Variants in ANK2 observed in about 807,000 individuals in gnomAD.
ANK2 encodes the protein ankyrin 2, also known as ankyrin-2.
ANK2 carries 83 observed loss-of-function variants against 360.5 expected under a neutral mutation model. The ratio of observed to expected loss-of-function variants is 0.23; its 90% CI spans 0.19 to 0.28. The LOEUF (loss-of-function observed/expected upper bound fraction) is 0.28, where lower values mean the gene tolerates loss of function less well. ANK2 is among the 10% of genes least tolerant of loss of function. ANK2 has a pLI of 1.00. For missense variants in ANK2, 4,201 were observed against 4,795.7 expected, an observed-to-expected ratio of 0.88 and a Z score of 3.66; for synonymous variants, 1,740 against 1,759.5, an observed-to-expected ratio of 0.99 and a Z score of 0.28.
intron 40 of ANK2, among the ~76,000 whole-genome samples, chr4:113,364,537 C>T (rs1219098403): frequency 1.3e-5 from 2 of 152,224 alleles, no homozygotes; most frequent in Non-Finnish European, 2.9e-5. Context: ...AATTGCTTTA[C>T]TTAGCATTGT....
In ANK2 at chr4:112,929,857, T is replaced by G. The variant is rs1300696676; in HGVS notation, c.21+25343T>G. 2.0e-5 allele frequency among the ~76,000 whole-genome samples: 3 copies of G among 152,318 alleles called. No individual in the cohort carries two copies. The East Asian group carries it at 5.8e-4, about 29-fold the overall frequency. ...GACAGGCATGGTGACTTGTTCTGTC[T>G]TCTTCCTAGAAAGTAGTAGCCTATA... On this transcript the variant is annotated intron_variant, in intron 2 of 30. Transcript: ENST00000503271.
chr4:113,018,170 G>A (rs963804577), intron 2 of ANK2, among the ~76,000 whole-genome samples: 8 of 152,348 alleles, frequency 5.3e-5, no homozygotes, highest in Middle Eastern at 3.4e-3. Flanking sequence ...CCACTGTTCT[G>A]TAGCCGGAGG....
intron 1 of ANK2, among the ~76,000 whole-genome samples, chr4:112,830,849 A>G (rs2059555810): frequency 6.6e-6 from 1 of 152,166 alleles, no homozygotes; most frequent in South Asian, 2.1e-4. Flanking sequence ...TGGCACTCGC[A>G]GGCCAGCACG....
At chr4:112,833,607 CA>C (rs960854835) in intron 1 of ANK2, among the ~76,000 whole-genome samples, 1 of 151,992 alleles carries the variant, frequency 6.6e-6, no homozygotes, top group Admixed American at 6.5e-5. Context: ...GGGTTCACGC[CA>C]TTCTCCTTGC....
At chr4:112,950,389 A>G (rs2094865316) in intron 2 of ANK2, among the ~76,000 whole-genome samples, 1 of 152,182 alleles carries the variant, frequency 6.6e-6, no homozygotes. Context: ...TCACGCCCGT[A>G]ATCCCAGCAC....
At chr4:113,253,503 A>G (rs1045962548) in intron 10 of ANK2, among the ~76,000 whole-genome samples, 1 of 152,168 alleles carries the variant, frequency 6.6e-6, no homozygotes, top group Non-Finnish European at 1.5e-5. Flanking sequence ...AAAATTAAGC[A>G]CTGGATATAA....
chr4:112,822,396 C>T lies in ANK2; in HGVS notation c.-40+4132C>T, dbSNP rs567033398. On this transcript the variant is annotated intron_variant, in intron 1 of 30. Coordinates refer to the ANK2 transcript ENST00000503271. ...TCGTGCCACTGCACTCCAGCCTGGG[C>T]GACAGAGCGAGATTCCGTCTCAAAA... Among the ~76,000 whole-genome samples, 757 of 139,378 alleles carry T rather than the reference C, an allele frequency of 5.4e-3. 4 individuals are homozygous for T. Among genetic ancestry groups the T allele is most frequent in the African/African-American group, 0.019 (690 of 36,874 alleles). The allele number at this position is 139,378 out of a possible 152,430, so 91.4% of individuals were successfully genotyped here. A position where few individuals can be genotyped will look rare whatever the true frequency, so the allele number is the denominator to read the frequency against.
the ANK2 span, among the ~76,000 whole-genome samples, chr4:112,790,462 G>C: frequency 4.0e-5 from 6 of 151,200 alleles, no homozygotes; most frequent in African/African-American, 9.7e-5. Flanking sequence ...TTCTAGTCAG[G>C]GGCCCCATTA....
chr4:113,336,900 A>C, intron 31 of ANK2, 119 bp downstream of exon 31: 1 of 932,954 alleles, frequency 1.1e-6, no homozygotes, highest in Admixed American at 2.0e-5. Flanking sequence ...AATTCAGGGA[A>C]TACATTTTAA....
intron 1 of ANK2, among the ~76,000 whole-genome samples, chr4:112,874,957 T>A (rs776792177): frequency 6.6e-6 from 1 of 152,146 alleles, no homozygotes; most frequent in Non-Finnish European, 1.5e-5. Context: ...GTGGAAACAC[T>A]TGTTTGTTTT....
At chr4:113,048,246 GTGTATATATATATATATA>G (rs2065247339), upstream of ANK2, among the ~76,000 whole-genome samples, 1 of 54,604 alleles carries the variant, frequency 1.8e-5, no homozygotes, top group African/African-American at 7.9e-5. Context: ...ATCTACAAGT[GTGTATATATATATATATA>G]TATATATATA....
At chr4:113,108,798 C>G (rs1247275194) in intron 1 of ANK2, among the ~76,000 whole-genome samples, 1 of 151,996 alleles carries the variant, frequency 6.6e-6, no homozygotes, top group Non-Finnish European at 1.5e-5. Context: ...TTAAATATTG[C>G]CCAAAGTTTC....
chr4:112,777,833 G>C, the ANK2 span, among the ~76,000 whole-genome samples: 1 of 149,266 alleles, frequency 6.7e-6, no homozygotes, highest in South Asian at 2.1e-4. Flanking sequence ...GGCCAGGCTG[G>C]TCTTGAATTT....
At chr4:112,985,288 A>G (rs2154275393) in intron 2 of ANK2, among the ~76,000 whole-genome samples, 1 of 152,180 alleles carries the variant, frequency 6.6e-6, no homozygotes, top group Admixed American at 6.5e-5. Flanking sequence ...TTCACAGGTA[A>G]AAGATTTGCA....
the ANK2 span, among the ~76,000 whole-genome samples, chr4:112,716,867 A>G: frequency 1.3e-5 from 2 of 151,678 alleles, no homozygotes; most frequent in Admixed American, 6.6e-5. Flanking sequence ...AAACACTGCA[A>G]CCCCCCTTTC....
At chr4:113,164,442 CT>C (rs1394715229) in intron 1 of ANK2, among the ~76,000 whole-genome samples, 15 of 152,240 alleles carry the variant, frequency 9.9e-5, no homozygotes, top group South Asian at 2.1e-4. Context: ...TTGTTCAATC[CT>C]GAATAATTTA....
At chr4:113,242,260 C>G in intron 9 of ANK2, 51 bp downstream of exon 9, 1 of 1,523,968 alleles carries the variant, frequency 6.6e-7, no homozygotes, top group African/African-American at 1.4e-5. Flanking sequence ...TCTTTCAAGC[C>G]TCATAGAAGG....
the ANK2 span, among the ~76,000 whole-genome samples, chr4:112,715,119 G>A: frequency 4.6e-5 from 7 of 152,176 alleles, no homozygotes; most frequent in Non-Finnish European, 8.8e-5. Flanking sequence ...TCAGTCACAC[G>A]TCTGGTGACC....
At position 113,222,474 on chromosome 4, in the gene ANK2, G is replaced by A. The variant is rs770963890; in HGVS notation, c.385-9687G>A. Among the ~76,000 whole-genome samples, 10 of 144,054 alleles carry A rather than the reference G, an allele frequency of 6.9e-5. No homozygotes were observed. In the East Asian group the frequency reaches 1.5e-3, roughly 21 times the overall value. 94.5% of individuals were successfully genotyped at this position (144,054 alleles called of 152,430 possible). On this transcript the variant is annotated intron_variant, in intron 4 of 45. Coordinates refer to ENST00000357077, the MANE Select transcript of ANK2 (RefSeq NM_001148.6). The stretch of plus-strand genomic sequence containing the variant: ...TGCAGTGGTGCAACCTCGGCTCACC[G>A]CAACCTCTGCTTCCTTGGTTTCAGC...
Sources: allele counts gnomAD v4.1 joint callset (sites outside exome capture counted in the v4.1 genomes callset), GRCh38; gene constraint gnomAD v4.1.1; transcripts MANE v1.5; gene names NCBI Gene and HGNC (gene_info 2026-07-23, HGNC 2026-07-21).